ANKRD44: variants seen among roughly 807,000 people sequenced by gnomAD.
The protein encoded by ANKRD44 is ankyrin repeat domain 44.
In ANKRD44, 35 loss-of-function variants were observed where a neutral mutation model predicts 116.0. That is an observed-to-expected ratio of 0.30 (90% CI 0.23 to 0.40). ANKRD44 has a LOEUF of 0.40. Ranked by LOEUF, ANKRD44 falls within the 10% of genes least tolerant of loss-of-function variation. ANKRD44 has a pLI of 1.00. For synonymous variants in ANKRD44, 435 were observed against 461.8 expected (o/e 0.94, Z 0.74); for missense variants, 1,014 against 1,242.6 (o/e 0.82, Z 2.77).
At chr2:196,998,683 T>C (rs1324214548) in intron 24 of ANKRD44, among the ~76,000 whole-genome samples, 1 of 152,182 alleles carries the variant, frequency 6.6e-6, no homozygotes, top group Non-Finnish European at 1.5e-5. Flanking sequence ...TTCTAAATGT[T>C]GATAATTTCA....
intron 1 of ANKRD44, among the ~76,000 whole-genome samples, chr2:197,273,994 T>TCTATATAG (rs1559208487): frequency 0.013 from 293 of 22,096 alleles, 49 homozygotes; most frequent in Admixed American, 0.021. Context: ...TATATATATA[T>TCTATATAG]ATATATATAT....
chr2:197,310,556 C>T (rs1403894827), intron 1 of ANKRD44, 22 bp downstream of exon 1: 5 of 1,159,220 alleles, frequency 4.3e-6, no homozygotes, highest in South Asian at 2.2e-5. Flanking sequence ...GCGTCCCGCC[C>T]GCCGGCGCCG....
intron 1 of ANKRD44, among the ~76,000 whole-genome samples, chr2:197,249,765 TC>T (rs1399820424): frequency 6.6e-6 from 1 of 152,224 alleles, no homozygotes; most frequent in Non-Finnish European, 1.5e-5. Flanking sequence ...AGCAAAAAAG[TC>T]CATCTACATT....
chr2:197,082,198 C>T (rs1399581715), intron 14 of ANKRD44, among the ~76,000 whole-genome samples: 1 of 152,188 alleles, frequency 6.6e-6, no homozygotes, highest in African/African-American at 2.4e-5. Flanking sequence ...TATTGTTTCC[C>T]CATCCTTTTC....
At chr2:197,308,399 A>G (rs2084139334) in intron 1 of ANKRD44, among the ~76,000 whole-genome samples, 1 of 152,174 alleles carries the variant, frequency 6.6e-6, no homozygotes, top group Non-Finnish European at 1.5e-5. Flanking sequence ...CTCAAACAGA[A>G]AAGGTAAGAC....
intron 4 of ANKRD44, among the ~76,000 whole-genome samples, chr2:197,129,273 ATAGG>A (rs2079045456): frequency 6.6e-6 from 1 of 151,926 alleles, no homozygotes; most frequent in African/African-American, 2.4e-5. Context: ...AGCTGGGATT[ATAGG>A]CATGCGCCAC....
At chr2:197,230,995 C>T (rs533322118) in intron 1 of ANKRD44, among the ~76,000 whole-genome samples, 54 of 152,168 alleles carry the variant, frequency 3.5e-4, no homozygotes, top group African/African-American at 1.3e-3. Context: ...AAAATGGGCC[C>T]AGAAGAAAAG....
chr2:197,228,957 C>T lies in ANKRD44; in HGVS notation c.28-41851G>A, dbSNP rs376945265. Among the ~76,000 whole-genome samples the T allele has an allele frequency of 2.8e-4, 42 of 152,334 alleles. No individual in the cohort carries two copies. The East Asian group carries it at 7.5e-3, about 27-fold the overall frequency. On this transcript the variant is annotated intron_variant, in intron 1 of 27. Coordinates refer to ENST00000282272, the MANE Select transcript of ANKRD44 (RefSeq NM_001195144.2). ...GGCTGAGGCAGCAGAATCACTTGAA[C>T]CTGGGAGGCAAAGGTTACAGTGAGC...
chr2:197,015,503 T>A (rs1438808016), intron 17 of ANKRD44: 3 of 476,974 alleles, frequency 6.3e-6, no homozygotes, highest in African/African-American at 5.9e-5. Flanking sequence ...ATACAAGAGA[T>A]GCAGTCTGCT....
chr2:197,167,049 T>C (rs893668557), intron 2 of ANKRD44, among the ~76,000 whole-genome samples: 3 of 152,222 alleles, frequency 2.0e-5, no homozygotes, highest in African/African-American at 7.2e-5. Flanking sequence ...TAAATCAGTC[T>C]GAGTTTATAC....
chr2:197,130,421 T>G (rs905042338), intron 4 of ANKRD44, among the ~76,000 whole-genome samples: 1 of 152,182 alleles, frequency 6.6e-6, no homozygotes, highest in Non-Finnish European at 1.5e-5. Flanking sequence ...GTATGACCAG[T>G]GTTTAATCTC....
At position 197,148,122 on chromosome 2, in the gene ANKRD44, C is replaced by T. The variant is rs1528406; in HGVS notation, c.112-1017G>A. Among the ~76,000 whole-genome samples the T allele has an allele frequency of 8.9e-3, 1,351 of 152,148 alleles. 24 individuals carry two copies. The highest frequency in any genetic ancestry group is 0.031 in the African/African-American group (1,287 of 41,492). On this transcript the variant is annotated intron_variant, in intron 2 of 27. Transcript: ENST00000282272. ...CTACCTTAGAGGACTGATAAGAGGACTAAAGATCATATAAGTAAATAAAGC... is the reference window on the plus strand; with the variant it reads ...CTACCTTAGAGGACTGATAAGAGGATTAAAGATCATATAAGTAAATAAAGC...
At chr2:197,027,387 A>G (rs1358217481) in intron 16 of ANKRD44, among the ~76,000 whole-genome samples, 1 of 152,018 alleles carries the variant, frequency 6.6e-6, no homozygotes, top group Non-Finnish European at 1.5e-5. Flanking sequence ...ATTATCCAGG[A>G]AGTTGCTGGA....
intron 17 of ANKRD44, among the ~76,000 whole-genome samples, chr2:197,018,097 G>A (rs376299804): frequency 1.4e-4 from 21 of 152,140 alleles, no homozygotes; most frequent in African/African-American, 4.8e-4. Context: ...TCTTCTCACC[G>A]CATCACCAAC....
At chr2:197,231,739 C>T (rs2081869019) in intron 1 of ANKRD44, among the ~76,000 whole-genome samples, 1 of 151,700 alleles carries the variant, frequency 6.6e-6, no homozygotes, top group African/African-American at 2.4e-5. Context: ...GTCAGCAGTG[C>T]CAAGGCTAGG....
At chr2:197,278,072 G>A (rs1318028938) in intron 1 of ANKRD44, among the ~76,000 whole-genome samples, 5 of 152,026 alleles carry the variant, frequency 3.3e-5, no homozygotes, top group East Asian at 1.9e-4. Context: ...CCATCTTAAC[G>A]CAGCATCTCC....
chr2:197,110,781 T>A lies in ANKRD44; in HGVS notation c.970A>T (p.Thr324Ser), dbSNP rs778079842. 2.3e-5 allele frequency: 37 copies of A among 1,613,336 alleles called. No homozygotes were observed. The highest frequency in any genetic ancestry group is 3.4e-6 in the Non-Finnish European group (4 of 1,179,608). ...TCTCTCTTACCATTCTGAATGAGGG[T>A]CTGTGACCGTGTGAACCTTCCATGG... ...AVHGRFTRSQTLIQNGGEIDC... is the reference protein window; with the variant it reads ...AVHGRFTRSQSLIQNGGEIDC... The change falls in exon 9 of 28, where the codon ACC (threonine) becomes TCC (serine). Residue 324 changes from threonine to serine, a missense_variant. Transcript: ENST00000282272.
At chr2:197,170,188 TCCAAAAA>T (rs2080194948) in intron 2 of ANKRD44, among the ~76,000 whole-genome samples, 1 of 18,418 alleles carries the variant, frequency 5.4e-5, no homozygotes, top group Non-Finnish European at 1.5e-4. Context: ...AGACCCTGTT[TCCAAAAA>T]AAAAAAAAAA....
chr2:197,010,627 A>G (rs1241033888), intron 18 of ANKRD44, among the ~76,000 whole-genome samples: 1 of 152,004 alleles, frequency 6.6e-6, no homozygotes, highest in Non-Finnish European at 1.5e-5. Flanking sequence ...CTGCCAGGCT[A>G]TTGAACGCAA....
Sources: allele counts gnomAD v4.1 joint callset (sites outside exome capture counted in the v4.1 genomes callset), GRCh38; gene constraint gnomAD v4.1.1; transcripts MANE v1.5; gene names NCBI Gene and HGNC (gene_info 2026-07-23, HGNC 2026-07-21).